DCHS2: variants seen among roughly 807,000 people sequenced by gnomAD.
DCHS2 encodes protocadherin-23.
In DCHS2, 142 loss-of-function variants were observed where a neutral mutation model predicts 182.4. The observed-to-expected ratio is 0.78, with a 90% CI of 0.68 to 0.89. The LOEUF (loss-of-function observed/expected upper bound fraction) is 0.89, where lower values mean the gene tolerates loss of function less well. Ranked by LOEUF, DCHS2 falls within the 40% of genes least tolerant of loss-of-function variation. The pLI is 0.00. For synonymous variants in DCHS2, 1,740 were observed against 1,663.3 expected (o/e 1.05, Z -1.12); for missense variants, 4,319 against 4,198.6 (o/e 1.03, Z -0.79).
intron 1 of DCHS2, 108 bp from the exon 2 acceptor site, chr4:154,377,552 T>G: frequency 1.4e-5 from 11 of 794,318 alleles, no homozygotes; most frequent in South Asian, 2.0e-5. Flanking sequence ...CCCATAGCTA[T>G]TCACAAAGCC....
rs553657317 is a variant in DCHS2, at chr4:154,447,693, T to G, written c.2052+41611A>C. On this transcript the variant is annotated intron_variant, in intron 1 of 19. Transcript: ENST00000357232. ...GAGGGCTTTAATAACAATATTCAAC[T>G]GCAGTCCTGATGTGGTGCTGTCTTT... is the stretch of plus-strand genomic sequence containing the variant. 4.2e-4 allele frequency among the ~76,000 whole-genome samples: 64 copies of G among 152,308 alleles called. 1 individual carries two copies. The highest frequency in any genetic ancestry group is 1.5e-3 in the African/African-American group (61 of 41,572).
In DCHS2 at chr4:154,473,775, C is replaced by T. The variant is rs73854800; in HGVS notation, c.2052+15529G>A. Among the ~76,000 whole-genome samples, 974 of 152,240 alleles carry T rather than the reference C, an allele frequency of 6.4e-3. 21 individuals carry two copies. The South Asian group carries it at 0.069, about 11-fold the overall frequency. On this transcript the variant is annotated intron_variant, in intron 1 of 19. Coordinates refer to ENST00000357232, the MANE Select transcript of DCHS2 (RefSeq NM_001358235.2). ...CTCCCACTGATCTTCTTGTAAGTTTCCCCAGAAAAAGAAACCAACCAGAGT... is the reference window on the plus strand; with the variant it reads ...CTCCCACTGATCTTCTTGTAAGTTTTCCCAGAAAAAGAAACCAACCAGAGT...
chr4:154,302,470 T>C (rs1002660006), intron 12 of DCHS2, among the ~76,000 whole-genome samples: 1 of 152,162 alleles, frequency 6.6e-6, no homozygotes, highest in African/African-American at 2.4e-5. Flanking sequence ...TAGGCCTGGC[T>C]TTTGTTTTTG....
intron 1 of DCHS2, among the ~76,000 whole-genome samples, chr4:154,441,808 C>T (rs1414172454): frequency 2.6e-5 from 4 of 151,880 alleles, no homozygotes; most frequent in Admixed American, 1.3e-4. Context: ...TATTAATAAA[C>T]ATAAATGTAC....
Position 154,260,057 on chromosome 4 carries a change from C to T in DCHS2, c.6578-301G>A, listed in dbSNP as rs188306379. Among the ~76,000 whole-genome samples, 14 of 152,194 alleles carry T rather than the reference C, an allele frequency of 9.2e-5. No individual in the cohort carries two copies. In the East Asian group the frequency reaches 2.5e-3, roughly 27 times the overall value. ...CAGTCTGGTCTCGAACTCCTGACCT[C>T]GTGATTCACCTGCCTTGGCCTCTGA... On this transcript the variant is annotated intron_variant, in intron 14 of 19. Coordinates refer to ENST00000357232, the MANE Select transcript of DCHS2 (RefSeq NM_001358235.2).
At chr4:154,275,994 T>A (rs1370631128) in intron 13 of DCHS2, among the ~76,000 whole-genome samples, 1 of 152,172 alleles carries the variant, frequency 6.6e-6, no homozygotes, top group African/African-American at 2.4e-5. Context: ...AGCAAGAAGC[T>A]GCAAATGTTT....
chr4:154,489,714 C>T lies in DCHS2; in HGVS notation c.1642G>A (p.Val548Met). 3 of 1,551,738 alleles carry T rather than the reference C, an allele frequency of 1.9e-6. No homozygotes were observed. The highest frequency in any genetic ancestry group is 2.6e-6 in the Non-Finnish European group (3 of 1,146,998). The change falls in exon 1 of 20, where the codon GTG (valine) becomes ATG (methionine). Residue 548 changes from valine (V) to methionine (M), a missense_variant. Coordinates refer to ENST00000357232, the MANE Select transcript of DCHS2 (RefSeq NM_001358235.2). ...GTGCCAGGGGCCGCGGCCTCGGACA[C>T]TGAGGCCTTGTAATGCTGTTGGCTG... ...LFSQQHYKAS[V>M]SEAAAPGTVV...
intron 7 of DCHS2, 148 bp from the exon 8 acceptor site, chr4:154,322,636 C>A: frequency 2.8e-6 from 3 of 1,066,586 alleles, no homozygotes; most frequent in Non-Finnish European, 2.5e-6. Context: ...TAAAAATAGA[C>A]AAGAAACATC....
chr4:154,306,434 T>C (rs1735443721), intron 10 of DCHS2, among the ~76,000 whole-genome samples: 1 of 152,124 alleles, frequency 6.6e-6, no homozygotes, highest in Admixed American at 6.5e-5. Flanking sequence ...ATCTATTCTA[T>C]AGCAAGACAG....
intron 1 of DCHS2, among the ~76,000 whole-genome samples, chr4:154,400,771 G>C (rs1435498814): frequency 6.6e-6 from 1 of 151,992 alleles, no homozygotes. Context: ...CTCATGTAAC[G>C]TTGCACACAT....
intron 9 of DCHS2, among the ~76,000 whole-genome samples, chr4:154,317,115 T>C (rs779463439): frequency 2.0e-5 from 3 of 152,244 alleles, no homozygotes; most frequent in African/African-American, 4.8e-5. Flanking sequence ...ATAAGAAATA[T>C]GAGTTTTGTG....
chr4:154,447,626 G>T (rs1734357415), intron 1 of DCHS2, among the ~76,000 whole-genome samples: 1 of 152,134 alleles, frequency 6.6e-6, no homozygotes, highest in Non-Finnish European at 1.5e-5. Flanking sequence ...TGGAGCTTGA[G>T]GAAAAATCAC....
intron 10 of DCHS2, among the ~76,000 whole-genome samples, chr4:154,312,287 G>A (rs1315512222): frequency 6.6e-6 from 1 of 152,206 alleles, no homozygotes; most frequent in Admixed American, 6.5e-5. Context: ...TGAATCCTAT[G>A]GATCTCCTTA....
intron 3 of DCHS2, among the ~76,000 whole-genome samples, chr4:154,337,805 A>G (rs1728884021): frequency 6.6e-6 from 1 of 151,888 alleles, no homozygotes; most frequent in Admixed American, 6.6e-5. Flanking sequence ...CAGTGGCATG[A>G]TCTCAGCTCA....
chr4:154,261,909 A>T (rs542351709), intron 14 of DCHS2: 2 of 152,244 alleles, frequency 1.3e-5, no homozygotes, highest in South Asian at 4.1e-4. Context: ...GCTGGTGATG[A>T]AACTAGGTGG....
chr4:154,350,529 C>G (rs1183717911), intron 3 of DCHS2, among the ~76,000 whole-genome samples: 1 of 152,184 alleles, frequency 6.6e-6, no homozygotes, highest in Non-Finnish European at 1.5e-5. Flanking sequence ...AAAACAGAAT[C>G]AAGGCCTTGG....
chr4:154,359,336 C>T (rs867637616), intron 3 of DCHS2, among the ~76,000 whole-genome samples: 8 of 151,874 alleles, frequency 5.3e-5, no homozygotes, highest in Non-Finnish European at 7.4e-5. Flanking sequence ...TATATATATA[C>T]GTACATAATC....
intron 1 of DCHS2, among the ~76,000 whole-genome samples, chr4:154,397,181 G>A (rs1249696566): frequency 1.3e-5 from 2 of 152,150 alleles, no homozygotes; most frequent in Non-Finnish European, 2.9e-5. Context: ...GCCAACATAA[G>A]TCAGCATGGG....
chr4:154,384,303 G>T, intron 1 of DCHS2: 1 of 1,568,336 alleles, frequency 6.4e-7, no homozygotes, highest in Admixed American at 2.1e-5. Flanking sequence ...CCTCCTTATT[G>T]AAACATCCTT....
Sources: allele counts gnomAD v4.1 joint callset (sites outside exome capture counted in the v4.1 genomes callset), GRCh38; gene constraint gnomAD v4.1.1; transcripts MANE v1.5; gene names NCBI Gene and HGNC (gene_info 2026-07-23, HGNC 2026-07-21).